METTL8: variants seen among roughly 807,000 people sequenced by gnomAD.
The protein encoded by METTL8 is tRNA N(3)-cytidine methyltransferase METTL8, mitochondrial.
In METTL8, 32 loss-of-function variants were observed where a neutral mutation model predicts 48.7. The observed-to-expected ratio is 0.66, with a 90% CI of 0.50 to 0.88. METTL8 has a LOEUF of 0.88. METTL8 is among the 40% of genes least tolerant of loss of function. The pLI is 0.00. For missense variants in METTL8, 464 were observed against 474.4 expected (o/e 0.98, Z 0.20); for synonymous variants, 136 against 157.1 (o/e 0.87, Z 1.01).
In METTL8 at chr2:171,321,743, CATTTT is replaced by C. The variant is rs1198323067; in HGVS notation, c.*2424_*2428del. ...ATGATTTACAGGTTTGGGATATGCA[CATTTT>C]GTTTTGCCAGCTGTACTCTATTTAT... is the stretch of plus-strand genomic sequence containing the variant. On this transcript the variant is annotated 3_prime_UTR_variant, in exon 10 of 10. Transcript: ENST00000375258. The C allele has an allele frequency of 6.6e-6, 1 of 152,088 alleles. No homozygotes were observed. Among genetic ancestry groups the C allele is most frequent in the Non-Finnish European group, 1.5e-5 (1 of 68,026 alleles). The allele number at this position is 152,088 out of a possible 1,614,324, so 9.4% of individuals were successfully genotyped here.
chr2:171,392,228 C>A, intron 1 of METTL8, 31 bp from the exon 2 acceptor site: 1 of 1,528,616 alleles, frequency 6.5e-7, no homozygotes, highest in South Asian at 1.2e-5. Context: ...AATTAGTCAA[C>A]ATAGATTAAA....
At chr2:171,381,560 GA>G (rs890584735) in intron 2 of METTL8, among the ~76,000 whole-genome samples, 4 of 149,196 alleles carry the variant, frequency 2.7e-5, no homozygotes, top group Admixed American at 6.7e-5. Flanking sequence ...AAATTTACAA[GA>G]AAAAAAAACA....
At chr2:171,332,419 T>TAC (rs1395683919) in intron 5 of METTL8, 1 of 153,582 alleles carries the variant, frequency 6.5e-6, no homozygotes, top group African/African-American at 2.4e-5. Flanking sequence ...TAGCTGGAAC[T>TAC]ACATACAGAT....
chr2:171,350,887 C>T (rs1355705408), intron 3 of METTL8, among the ~76,000 whole-genome samples: 1 of 152,156 alleles, frequency 6.6e-6, no homozygotes, highest in African/African-American at 2.4e-5. Flanking sequence ...GGGTAGATTG[C>T]AAAAATTTTC....
In METTL8 at chr2:171,318,471, T is replaced by G. The variant is rs555475425; in HGVS notation, c.*5701A>C. ...TTTCCCCACTGCAGTACAGAATGCTTTTTTTCTTTAAGCGAGGAGTATGCA... is the reference window on the plus strand; with the variant it reads ...TTTCCCCACTGCAGTACAGAATGCTGTTTTTCTTTAAGCGAGGAGTATGCA... On this transcript the variant is annotated 3_prime_UTR_variant, in exon 10 of 10. Coordinates refer to ENST00000375258, the MANE Select transcript of METTL8 (RefSeq NM_001321154.2). The G allele has an allele frequency of 3.0e-4, 45 of 152,344 alleles. 2 individuals are homozygous for G. Among genetic ancestry groups the G allele is most frequent in the African/African-American group, 1.0e-3 (43 of 41,580 alleles). The allele number at this position is 152,344 out of a possible 1,614,324, so 9.4% of individuals were successfully genotyped here. A position where few individuals can be genotyped will look rare whatever the true frequency, so the allele number is the denominator to read the frequency against.
chr2:171,431,899 A>G (rs1574277942), intron 1 of METTL8, among the ~76,000 whole-genome samples: 1 of 152,152 alleles, frequency 6.6e-6, no homozygotes, highest in Non-Finnish European at 1.5e-5. Flanking sequence ...GGTTACCACC[A>G]CCTTCCCCTA....
At chr2:171,434,503 G>A (rs1369185317), upstream of METTL8, 9 of 1,522,556 alleles carry the variant, frequency 5.9e-6, no homozygotes, top group Non-Finnish European at 7.0e-6. Flanking sequence ...CGAAGGCAGC[G>A]GCGGCTGCCC....
rs147767237 is a variant in METTL8 at position 171,362,566 on chromosome 2, A to AAAATAAATAAAT, written c.144-2065_144-2054dup. ...CGAAACTGTTTTCCTTAAAAAAATAAAAATAAATAAATAAATAAATAAATA... is the reference window on the plus strand; with the variant it reads ...CGAAACTGTTTTCCTTAAAAAAATAAAAATAAATAAATAAATAAATAAATAAATAAATAAATA... On this transcript the variant is annotated intron_variant, in intron 2 of 9. Coordinates refer to ENST00000375258, the MANE Select transcript of METTL8 (RefSeq NM_001321154.2). 5.1e-3 allele frequency among the ~76,000 whole-genome samples: 746 copies of AAAATAAATAAAT among 146,000 alleles called. 3 individuals are homozygous for AAAATAAATAAAT. The highest frequency in any genetic ancestry group is 0.018 in the East Asian group (88 of 5,004).
chr2:171,357,700 C>CTT (rs937720887), intron 3 of METTL8, among the ~76,000 whole-genome samples: 1 of 144,820 alleles, frequency 6.9e-6, no homozygotes, highest in African/African-American at 2.5e-5. Context: ...TTTTCTCTCT[C>CTT]TTTTTTTTTT....
At chr2:171,360,630 T>C (rs1195345582) in intron 2 of METTL8, 117 bp from the exon 3 acceptor site, 3 of 795,310 alleles carry the variant, frequency 3.8e-6, no homozygotes, top group Non-Finnish European at 5.9e-6. Flanking sequence ...TACAGACTAA[T>C]TCCACATGGA....
chr2:171,391,847 A>T (rs1688608112), intron 2 of METTL8, among the ~76,000 whole-genome samples, 196 bp downstream of exon 2: 2 of 152,232 alleles, frequency 1.3e-5, no homozygotes, highest in South Asian at 2.1e-4. Flanking sequence ...GGAAAGTTTC[A>T]CTCTTCCAAT....
intron 2 of METTL8, among the ~76,000 whole-genome samples, chr2:171,368,847 C>T (rs140093068): frequency 2.6e-5 from 4 of 150,962 alleles, no homozygotes; most frequent in African/African-American, 7.3e-5. Flanking sequence ...AGCCAGCTTG[C>T]GTAATATAGT....
rs148874406 is a variant in METTL8 at position 171,375,183 on chromosome 2, C to T, written c.144-14670G>A. 4.2e-6 allele frequency: 6 copies of T among 1,437,402 alleles called. No individual in the cohort carries two copies. The African/African-American group carries it at 7.0e-5, about 17-fold the overall frequency. 89.0% of individuals were successfully genotyped at this position (1,437,402 alleles called of 1,614,324 possible). On this transcript the variant is annotated intron_variant, in intron 2 of 9. Transcript: ENST00000375258. Reference sequence around the variant, plus strand: ...TGACGAATTTCTTAATGGCCTTGTCCTTGGGCACGCATCGGGTACAGTTAG... The same window carrying T: ...TGACGAATTTCTTAATGGCCTTGTCTTTGGGCACGCATCGGGTACAGTTAG...
chr2:171,426,529 T>C (rs1036240990), intron 1 of METTL8, among the ~76,000 whole-genome samples: 2 of 152,090 alleles, frequency 1.3e-5, no homozygotes, highest in South Asian at 4.1e-4. Flanking sequence ...TATATTATGC[T>C]ATGATATCTG....
At chr2:171,418,599 A>G (rs1339073634) in intron 1 of METTL8, among the ~76,000 whole-genome samples, 1 of 152,194 alleles carries the variant, frequency 6.6e-6, no homozygotes, top group East Asian at 1.9e-4. Context: ...TTCATGTTAT[A>G]ACTAAATACT....
chr2:171,378,571 G>A (rs972384272), intron 2 of METTL8, among the ~76,000 whole-genome samples: 6 of 152,102 alleles, frequency 3.9e-5, no homozygotes, highest in Non-Finnish European at 8.8e-5. Context: ...GGTGGAGGTT[G>A]CAGTGAGCTA....
chr2:171,417,608 C>T (rs143577814), intron 1 of METTL8, among the ~76,000 whole-genome samples: 51 of 152,314 alleles, frequency 3.3e-4, no homozygotes, highest in Middle Eastern at 6.8e-3. Flanking sequence ...AGGCTGAGAT[C>T]TGAACCCAGG....
In METTL8 at chr2:171,324,415, A is replaced by T. The variant is rs373701064; in HGVS notation, c.1034-53T>A. On this transcript the variant is annotated intron_variant, in intron 9 of 9. Transcript: ENST00000375258. ...TATGACATGTGACTAGAGATGGGGG[A>T]GGTCAGGAGTAGAACACTGATGGAA... The T allele has an allele frequency of 1.8e-5, 26 of 1,456,832 alleles. 1 individual carries two copies. Among genetic ancestry groups the T allele is most frequent in the East Asian group, 9.9e-5 (4 of 40,460 alleles). The allele number at this position is 1,456,832 out of a possible 1,614,324, so 90.2% of individuals were successfully genotyped here. A position where few individuals can be genotyped will look rare whatever the true frequency, so the allele number is the denominator to read the frequency against.
rs1686112175 is a variant in METTL8 at position 171,369,776 on chromosome 2, T to G, written c.144-9263A>C. Reference sequence around the variant, plus strand: ...GAAGTAAAAATTGGATACAAAAAATTATTCAATTAGGCTGGTCACGGTGGC... The same window carrying G: ...GAAGTAAAAATTGGATACAAAAAATGATTCAATTAGGCTGGTCACGGTGGC... On this transcript the variant is annotated intron_variant, in intron 2 of 9. Coordinates refer to ENST00000375258, the MANE Select transcript of METTL8 (RefSeq NM_001321154.2). Among the ~76,000 whole-genome samples the G allele has an allele frequency of 2.6e-5, 4 of 151,980 alleles. No homozygotes were observed. The South Asian group carries it at 8.4e-4, about 32-fold the overall frequency.
Sources: allele counts gnomAD v4.1 joint callset (sites outside exome capture counted in the v4.1 genomes callset), GRCh38; gene constraint gnomAD v4.1.1; transcripts MANE v1.5; gene names NCBI Gene and HGNC (gene_info 2026-07-23, HGNC 2026-07-21).